The following TBC1D14 variants were observed in gnomAD, a reference collection of about 807,000 sequenced individuals.
The protein encoded by TBC1D14 is TBC1 domain family member 14.
Under a neutral mutation model 79.0 loss-of-function variants are expected in TBC1D14, and 26 were observed. That is an observed-to-expected ratio of 0.33 (90% CI 0.24 to 0.46). The LOEUF is 0.46. Among genes scored for constraint, TBC1D14 ranks in the 20% least tolerant of loss-of-function variants. TBC1D14 has a pLI of 1.00. For synonymous variants in TBC1D14, 394 were observed against 349.9 expected, an observed-to-expected ratio of 1.13 and a Z score of -1.40; for missense variants, 769 against 887.6, an observed-to-expected ratio of 0.87 and a Z score of 1.70.
At chr4:6,953,598 C>T (rs1174245825) in intron 2 of TBC1D14, among the ~76,000 whole-genome samples, 2 of 128,274 alleles carry the variant, frequency 1.6e-5, no homozygotes, top group Non-Finnish European at 1.6e-5. Context: ...CGCCACTGCA[C>T]TCCAGCCTGG....
rs1223353295 is a variant in TBC1D14, at chr4:6,918,239, A to G, written c.-17-5134A>G. 2.0e-5 allele frequency among the ~76,000 whole-genome samples: 3 copies of G among 152,242 alleles called. No homozygotes were observed. In the East Asian group the frequency reaches 5.8e-4, roughly 29 times the overall value. On this transcript the variant is annotated intron_variant, in intron 1 of 13. Coordinates refer to ENST00000409757, the MANE Select transcript of TBC1D14 (RefSeq NM_020773.3). Reference sequence around the variant, plus strand: ...TTCAGGGAAGGGTCCTTGGATTGCCATGAATGAAATCCTATAGTTTCACCA... The same window carrying G: ...TTCAGGGAAGGGTCCTTGGATTGCCGTGAATGAAATCCTATAGTTTCACCA...
At position 7,021,756 on chromosome 4, in the gene TBC1D14, G is replaced by A. The variant is rs1721860555; in HGVS notation, c.1758-3248G>A. Among the ~76,000 whole-genome samples the A allele has an allele frequency of 3.3e-5, 5 of 152,078 alleles. No individual in the cohort carries two copies. In the South Asian group the frequency reaches 1.0e-3, roughly 31 times the overall value. On this transcript the variant is annotated intron_variant, in intron 12 of 13. Transcript: ENST00000409757. ...ACGCAATAATATGCAGTGGTCGGAGGCAAAACGTAAACATCTTTTGGGAGA... is the reference window on the plus strand; with the variant it reads ...ACGCAATAATATGCAGTGGTCGGAGACAAAACGTAAACATCTTTTGGGAGA...
At chr4:6,983,506 TG>T (rs1255379405) in intron 3 of TBC1D14, among the ~76,000 whole-genome samples, 3 of 152,174 alleles carry the variant, frequency 2.0e-5, no homozygotes, top group East Asian at 1.9e-4. Flanking sequence ...GAACCTACTC[TG>T]GAAGTTTTGG....
intron 1 of TBC1D14, among the ~76,000 whole-genome samples, chr4:6,918,449 T>A (rs1723577375): frequency 6.6e-6 from 1 of 152,236 alleles, no homozygotes; most frequent in Admixed American, 6.5e-5. Context: ...AAGCACACGT[T>A]CATTGGGCAC....
chr4:6,947,377 A>G (rs1483097724), intron 2 of TBC1D14, among the ~76,000 whole-genome samples: 1 of 152,138 alleles, frequency 6.6e-6, no homozygotes, highest in Non-Finnish European at 1.5e-5. Flanking sequence ...GGGTGCCTGT[A>G]GTCCCAGCTA....
At chr4:6,993,104 C>G (rs1390020422) in intron 3 of TBC1D14, among the ~76,000 whole-genome samples, 2 of 152,166 alleles carry the variant, frequency 1.3e-5, no homozygotes, top group African/African-American at 2.4e-5. Context: ...AGCTAGTTTC[C>G]CTGAAATTCA....
chr4:7,000,603 CTG>C, intron 6 of TBC1D14, among the ~76,000 whole-genome samples: 1 of 152,340 alleles, frequency 6.6e-6, no homozygotes, highest in East Asian at 1.9e-4. Flanking sequence ...CTGAAGGACT[CTG>C]TACAGCCTAC....
intron 2 of TBC1D14, among the ~76,000 whole-genome samples, chr4:6,940,207 C>T (rs759032663): frequency 1.3e-4 from 20 of 152,332 alleles, no homozygotes; most frequent in South Asian, 6.2e-4. Flanking sequence ...GCCAGTCAGG[C>T]GCTCAGTAGC....
intron 12 of TBC1D14, among the ~76,000 whole-genome samples, chr4:7,024,100 G>A (rs1453035938): frequency 4.6e-5 from 7 of 152,216 alleles, no homozygotes; most frequent in African/African-American, 1.7e-4. Context: ...CCCCCCGGCC[G>A]GAGTCCACTG....
chr4:7,027,467 ACG>A (rs2108750665), intron 13 of TBC1D14, among the ~76,000 whole-genome samples: 1 of 126,634 alleles, frequency 7.9e-6, no homozygotes, highest in South Asian at 2.7e-4. Flanking sequence ...GATCACCCCC[ACG>A]CACACTCATT....
chr4:7,006,977 T>C (rs978858759), intron 9 of TBC1D14, among the ~76,000 whole-genome samples: 2 of 152,222 alleles, frequency 1.3e-5, no homozygotes, highest in Admixed American at 1.3e-4. Flanking sequence ...GATACATGTC[T>C]CGGGGCCCCT....
At chr4:6,924,256 C>CA (rs1560247466) in intron 2 of TBC1D14, 145 bp downstream of exon 2, 4 of 995,000 alleles carry the variant, frequency 4.0e-6, no homozygotes, top group South Asian at 3.6e-5. Flanking sequence ...CCCAGAAGCC[C>CA]GGAATCCTGT....
At chr4:7,022,483 T>C (rs1024243334) in intron 12 of TBC1D14, among the ~76,000 whole-genome samples, 1 of 152,126 alleles carries the variant, frequency 6.6e-6, no homozygotes, top group Non-Finnish European at 1.5e-5. Context: ...CAAGGAAACT[T>C]GGTCCAGCCT....
intron 12 of TBC1D14, 89 bp downstream of exon 12, chr4:7,014,646 G>T (rs945950742): frequency 1.1e-6 from 1 of 891,620 alleles, no homozygotes; most frequent in Non-Finnish European, 1.8e-6. Context: ...TTCATGGCCC[G>T]GCTGAGTCCT....
chr4:6,997,737 G>A (rs1255564634), intron 5 of TBC1D14, among the ~76,000 whole-genome samples: 1 of 152,216 alleles, frequency 6.6e-6, no homozygotes, highest in African/African-American at 2.4e-5. Context: ...AAGGAATCTT[G>A]AAGATACCCT....
intron 3 of TBC1D14, among the ~76,000 whole-genome samples, chr4:6,986,314 A>T (rs902587611): frequency 6.6e-6 from 1 of 152,204 alleles, no homozygotes; most frequent in African/African-American, 2.4e-5. Context: ...TTTGCATGCA[A>T]GTCTCTCTGG....
At chr4:6,924,177 T>G (rs1191213683) in intron 2 of TBC1D14, 66 bp downstream of exon 2, 1 of 1,518,642 alleles carries the variant, frequency 6.6e-7, no homozygotes, top group Non-Finnish European at 8.8e-7. Context: ...CTTGTTCCTG[T>G]CTCAAATGTG....
At chr4:6,981,575 C>T (rs1717375569) in intron 3 of TBC1D14, among the ~76,000 whole-genome samples, 1 of 151,994 alleles carries the variant, frequency 6.6e-6, no homozygotes, top group Admixed American at 6.5e-5. Flanking sequence ...AATACAGTAC[C>T]AAAAAAACTA....
intron 2 of TBC1D14, among the ~76,000 whole-genome samples, chr4:6,964,404 T>C (rs1007412886): frequency 2.0e-5 from 3 of 152,178 alleles, no homozygotes; most frequent in African/African-American, 7.2e-5. Flanking sequence ...CGGATCCTGG[T>C]GCCTTCCCCT....
Sources: gnomAD v4.1 joint callset for allele counts (sites outside exome capture counted in the v4.1 genomes callset) on GRCh38, gnomAD v4.1.1 for gene constraint, MANE v1.5 for transcripts, NCBI Gene and HGNC (gene_info 2026-07-23, HGNC 2026-07-21) for gene names.